Variants in CRMP1 observed in about 807,000 individuals in gnomAD.
CRMP1 encodes the protein collapsin response mediator protein 1.
In CRMP1, 19 loss-of-function variants were observed where a neutral mutation model predicts 68.3. The ratio of observed to expected loss-of-function variants is 0.28; its 90% CI spans 0.19 to 0.41. The LOEUF (loss-of-function observed/expected upper bound fraction) is 0.41. CRMP1 is among the 10% of genes least tolerant of loss of function. CRMP1 has a pLI of 1.00. For synonymous variants in CRMP1, 439 were observed against 399.6 expected (o/e 1.10, Z -1.18); for missense variants, 791 against 967.4 (o/e 0.82, Z 2.42).
intron 4 of CRMP1, among the ~76,000 whole-genome samples, chr4:5,852,842 T>G (rs1350927739): frequency 6.6e-6 from 1 of 152,134 alleles, no homozygotes; most frequent in Non-Finnish European, 1.5e-5. Context: ...CAGGGAAGGC[T>G]TCCCAGGGGA....
chr4:5,869,990 A>G (rs759172764), intron 1 of CRMP1, among the ~76,000 whole-genome samples: 13 of 152,176 alleles, frequency 8.5e-5, no homozygotes, highest in Admixed American at 7.9e-4. Context: ...ATCAGCCACA[A>G]TGGCCCTGCA....
chr4:5,884,941 A>G (rs1389178444), intron 1 of CRMP1, among the ~76,000 whole-genome samples: 4 of 151,446 alleles, frequency 2.6e-5, no homozygotes, highest in East Asian at 2.0e-4. Flanking sequence ...AGTGGGCACA[A>G]GAAGCCGCTT....
At position 5,835,896 on chromosome 4, in the gene CRMP1, C is replaced by T. The variant is rs199912875; in HGVS notation, c.1623+19G>A. On this transcript the variant is annotated intron_variant, in intron 11 of 13. Coordinates refer to ENST00000324989, the MANE Select transcript of CRMP1 (RefSeq NM_001014809.3). ...CGAAGAATCACTTATCTCAGCAGCA[C>T]AAATAGGCCAGGACTTACCGACTTG... 5.1e-4 allele frequency: 726 copies of T among 1,434,618 alleles called. No individual in the cohort carries two copies. Among genetic ancestry groups the T allele is most frequent in the Non-Finnish European group, 6.1e-4 (668 of 1,087,180 alleles). 88.9% of individuals were successfully genotyped at this position (1,434,618 alleles called of 1,614,324 possible).
chr4:5,827,733 GCACACACACACA>G (rs141887967), intron 12 of CRMP1, among the ~76,000 whole-genome samples: 1 of 138,276 alleles, frequency 7.2e-6, no homozygotes, highest in East Asian at 2.2e-4. Flanking sequence ...ATGTGCGCGT[GCACACACACACA>G]CACACACACG....
Position 5,888,113 on chromosome 4 carries a change from C to T in CRMP1, c.381+4476G>A. The T allele has an allele frequency of 8.5e-7, 1 of 1,175,762 alleles. No individual in the cohort carries two copies. Among genetic ancestry groups the T allele is most frequent in the Non-Finnish European group, 1.1e-6 (1 of 939,840 alleles). The allele number at this position is 1,175,762 out of a possible 1,614,324, so 72.8% of individuals were successfully genotyped here. ...ACCGGCCCCGCCCCACCCGCGGCGA[C>T]GCAGGAGGCCTCGGGGGGCGCCCCT... On this transcript the variant is annotated intron_variant, in intron 1 of 13. Coordinates refer to ENST00000324989, the MANE Select transcript of CRMP1 (RefSeq NM_001014809.3). The surrounding 1 kb of genome is among the most constrained non-coding windows in gnomAD (Gnocchi z 6.4).
chr4:5,892,546 G>T lies in CRMP1; in HGVS notation c.381+43C>A. On this transcript the variant is annotated intron_variant, in intron 1 of 13. Coordinates refer to ENST00000324989, the MANE Select transcript of CRMP1 (RefSeq NM_001014809.3). The surrounding 1 kb of genome is among the most constrained non-coding windows in gnomAD (Gnocchi z 8.6). The stretch of plus-strand genomic sequence containing the variant: ...GCGCCCCATGCCCTGGGTCCTCCCG[G>T]GGCCCGCCCCCCTCGTCTGGCCCGC... The T allele has an allele frequency of 8.6e-7, 1 of 1,166,990 alleles. No homozygotes were observed. 72.3% of individuals were successfully genotyped at this position (1,166,990 alleles called of 1,614,324 possible).
In CRMP1 at chr4:5,821,527, ACCATGCT is replaced by A; in HGVS notation, c.*226_*232del. The A allele has an allele frequency of 1.8e-6, 1 of 545,862 alleles. No individual in the cohort carries two copies. Among genetic ancestry groups the A allele is most frequent in the East Asian group, 2.8e-5 (1 of 35,314 alleles). The allele number at this position is 545,862 out of a possible 1,614,324, so 33.8% of individuals were successfully genotyped here. On this transcript the variant is annotated 3_prime_UTR_variant, in exon 14 of 14. Coordinates refer to ENST00000324989, the MANE Select transcript of CRMP1 (RefSeq NM_001014809.3). This position sits in a 1 kb window ranked among gnomAD's most constrained non-coding sequence, Gnocchi z 4.4. ...TTCACTAGGAAGGGGGAATGAAAAC[ACCATGCT>A]CCGAGGTGGATTCAGCATGAACACA...
chr4:5,838,830 T>A lies in CRMP1; in HGVS notation c.1310+692A>T, dbSNP rs1720898930. Among the ~76,000 whole-genome samples, 1 of 152,046 alleles carries A rather than the reference T, an allele frequency of 6.6e-6. No homozygotes were observed. The highest frequency in any genetic ancestry group is 1.5e-5 in the Non-Finnish European group (1 of 68,000). ...CCTCCCCTATTGGGCAAACTCCTAC[T>A]CATCCCCAAGCTTTAGTCTTGATGC... On this transcript the variant is annotated intron_variant, in intron 9 of 13. Coordinates refer to ENST00000324989, the MANE Select transcript of CRMP1 (RefSeq NM_001014809.3). The surrounding 1 kb of genome is among the most constrained non-coding windows in gnomAD (Gnocchi z 4.9).
intron 3 of CRMP1, 51 bp from the exon 4 acceptor site, chr4:5,856,358 G>A (rs1461084493): frequency 1.3e-6 from 2 of 1,529,712 alleles, no homozygotes; most frequent in South Asian, 2.4e-5. Context: ...GTGTTCCAAT[G>A]GTAGCCACAT....
rs1720854902 is a variant in CRMP1, at chr4:5,838,159, TAAGAAA to T, written c.1311-1259_1311-1254del. 6.6e-6 allele frequency among the ~76,000 whole-genome samples: 1 copy of T among 152,020 alleles called. No homozygotes were observed. The highest frequency in any genetic ancestry group is 1.5e-5 in the Non-Finnish European group (1 of 67,984). ...GTCACAGAGCAAACCATGTGGCGTC[TAAGAAA>T]GAGGGAACTAGCCAGGGGTTCCCAT... is the stretch of plus-strand genomic sequence containing the variant. On this transcript the variant is annotated intron_variant, in intron 9 of 13. Coordinates refer to ENST00000324989, the MANE Select transcript of CRMP1 (RefSeq NM_001014809.3). The surrounding 1 kb of genome is among the most constrained non-coding windows in gnomAD (Gnocchi z 4.9).
rs1204112371 is a variant in CRMP1, at chr4:5,877,271, G to C, written c.382-10515C>G. ...TGCTGTAAGGCACAGAGTCTAGAGG[G>C]GGTGTTTGTTAGGCAGCATCATCGC... On this transcript the variant is annotated intron_variant, in intron 1 of 13. Coordinates refer to ENST00000324989, the MANE Select transcript of CRMP1 (RefSeq NM_001014809.3). The surrounding 1 kb of genome is among the most constrained non-coding windows in gnomAD (Gnocchi z 4.3). Among the ~76,000 whole-genome samples, 1 of 152,214 alleles carries C rather than the reference G, an allele frequency of 6.6e-6. No individual in the cohort carries two copies. Among genetic ancestry groups the C allele is most frequent in the East Asian group, 1.9e-4 (1 of 5,206 alleles).
chr4:5,826,172 A>C, intron 12 of CRMP1: 1 of 156,536 alleles, frequency 6.4e-6, no homozygotes, highest in Non-Finnish European at 1.4e-5. Context: ...GAGGACCCCA[A>C]ATCCCTTCCA....
In CRMP1 at chr4:5,825,548, T is replaced by C. The variant is rs931871133; in HGVS notation, c.1915A>G (p.Lys639Glu). Residue 639 changes from lysine (K) to glutamate (E), a missense_variant, in exon 13 of 14, where the codon AAA (lysine) becomes GAA (glutamate). By Grantham distance (56) the Lys-to-Glu change is moderately conservative. Transcript: ENST00000324989. This position sits in a 1 kb window ranked among gnomAD's most constrained non-coding sequence, Gnocchi z 4.4. Reference sequence around the variant, plus strand: ...TTTCTGATGGGTGGGGGCTGGTGTTTAGAAGGCGAAGATTTGGCTGAAGGA... The same window carrying C: ...TTTCTGATGGGTGGGGGCTGGTGTTCAGAAGGCGAAGATTTGGCTGAAGGA... ...PAPSAKSSPS[K>E]HQPPPIRNLH... 1 of 1,594,758 alleles carries C rather than the reference T, an allele frequency of 6.3e-7. No homozygotes were observed. The highest frequency in any genetic ancestry group is 8.5e-7 in the Non-Finnish European group (1 of 1,173,258).
At position 5,855,516 on chromosome 4, in the gene CRMP1, T is replaced by C. The variant is rs546393624; in HGVS notation, c.820+627A>G. On this transcript the variant is annotated intron_variant, in intron 4 of 13. Coordinates refer to ENST00000324989, the MANE Select transcript of CRMP1 (RefSeq NM_001014809.3). The surrounding 1 kb of genome is among the most constrained non-coding windows in gnomAD (Gnocchi z 4.9). ...ACCATAAAGGTCTACACTGTGCTGG[T>C]GTGAACCCAAACAGAGGGGAGCCAA... Among the ~76,000 whole-genome samples the C allele has an allele frequency of 2.6e-5, 4 of 152,248 alleles. No individual in the cohort carries two copies. In the South Asian group the frequency reaches 8.3e-4, roughly 32 times the overall value.
Position 5,825,194 on chromosome 4 carries a change from A to T in CRMP1, c.1969+300T>A, listed in dbSNP as rs1468706679. 7.1e-6 allele frequency: 7 copies of T among 985,236 alleles called. No homozygotes were observed. The highest frequency in any genetic ancestry group is 1.7e-5 in the African/African-American group (1 of 57,212). The allele number at this position is 985,236 out of a possible 1,614,324, so 61.0% of individuals were successfully genotyped here. ...CTCCATGTTTACTTTCATGAGGAAG[A>T]GTGTGAAAGTGTCCCCAAATGTGTG... On this transcript the variant is annotated intron_variant, in intron 13 of 13. Transcript: ENST00000324989. The surrounding 1 kb of genome is among the most constrained non-coding windows in gnomAD (Gnocchi z 4.4).
At chr4:5,835,811 T>A in intron 11 of CRMP1, 104 bp downstream of exon 11, 7 of 1,277,466 alleles carry the variant, frequency 5.5e-6, no homozygotes, top group Non-Finnish European at 7.2e-6. Context: ...AGATATCAGA[T>A]CACATCCTAG....
intron 13 of CRMP1, chr4:5,824,923 C>G (rs1255620828): frequency 2.0e-6 from 2 of 985,318 alleles, no homozygotes; most frequent in East Asian, 2.3e-4. Context: ...AGGTCAACAT[C>G]TAATTTTGTT....
rs1258043760 is a variant in CRMP1, at chr4:5,820,943, C to G, written c.*817G>C. 1 of 152,180 alleles carries G rather than the reference C, an allele frequency of 6.6e-6. No individual in the cohort carries two copies. The highest frequency in any genetic ancestry group is 2.4e-5 in the African/African-American group (1 of 41,450). 9.4% of individuals were successfully genotyped at this position (152,180 alleles called of 1,614,324 possible). ...GCCCCGTCAACTGCCTCAGAGGGAC[C>G]AGGACTCAGGCCACGCAGGGGCAGC... On this transcript the variant is annotated 3_prime_UTR_variant, in exon 14 of 14. Coordinates refer to ENST00000324989, the MANE Select transcript of CRMP1 (RefSeq NM_001014809.3).
Position 5,860,935 on chromosome 4 carries a change from G to A in CRMP1, c.655+91C>T. ...GAAATCCAATGGCACCCTGGGCAGAGAGCCTCGAACACACTGAGCACTTGT... is the reference window on the plus strand; with the variant it reads ...GAAATCCAATGGCACCCTGGGCAGAAAGCCTCGAACACACTGAGCACTTGT... On this transcript the variant is annotated intron_variant, in intron 3 of 13. Transcript: ENST00000324989. The surrounding 1 kb of genome is among the most constrained non-coding windows in gnomAD (Gnocchi z 4.2). The A allele has an allele frequency of 2.3e-6, 3 of 1,326,042 alleles. No homozygotes were observed. Among genetic ancestry groups the A allele is most frequent in the Non-Finnish European group, 2.1e-6 (2 of 964,804 alleles). 82.1% of individuals were successfully genotyped at this position (1,326,042 alleles called of 1,614,324 possible). A position where few individuals can be genotyped will look rare whatever the true frequency, so the allele number is the denominator to read the frequency against.
Sources: allele counts gnomAD v4.1 joint callset (sites outside exome capture counted in the v4.1 genomes callset), GRCh38; gene constraint gnomAD v4.1.1; non-coding constraint Gnocchi (gnomAD v3.1); transcripts MANE v1.5; gene names NCBI Gene and HGNC (gene_info 2026-07-23, HGNC 2026-07-21).